PTPN21: variants seen among roughly 807,000 people sequenced by gnomAD.
The protein encoded by PTPN21 is protein tyrosine phosphatase non-receptor type 21, also known as tyrosine-protein phosphatase non-receptor type 21.
A neutral mutation model predicts 131.8 loss-of-function variants in PTPN21; 77 were observed. The ratio of observed to expected loss-of-function variants is 0.58; its 90% CI spans 0.49 to 0.71. The LOEUF is 0.71. Among genes scored for constraint, PTPN21 ranks in the 30% least tolerant of loss-of-function variants. PTPN21 has a pLI of 0.00. For synonymous variants in PTPN21, 715 were observed against 621.3 expected, an observed-to-expected ratio of 1.15 and a Z score of -2.24; for missense variants, 1,552 against 1,527.1, an observed-to-expected ratio of 1.02 and a Z score of -0.27.
At position 88,524,109 on chromosome 14, in the gene PTPN21, TAG is replaced by T. The variant is rs377114661; in HGVS notation, c.181-6850_181-6849del. ...ATCACAATCCCAATATGCTTTTTCATAGAGATAAAAAGCCAATCCTCAAATTC... is the reference window on the plus strand; with the variant it reads ...ATCACAATCCCAATATGCTTTTTCATAGATAAAAAGCCAATCCTCAAATTC... On this transcript the variant is annotated intron_variant, in intron 2 of 18. Coordinates refer to ENST00000556564, the MANE Select transcript of PTPN21 (RefSeq NM_007039.4). Among the ~76,000 whole-genome samples, 62 of 152,296 alleles carry T rather than the reference TAG, an allele frequency of 4.1e-4. 1 individual carries two copies. The South Asian group carries it at 0.012, about 31-fold the overall frequency.
chr14:88,520,786 C>A (rs2078377611), intron 2 of PTPN21, among the ~76,000 whole-genome samples: 1 of 152,162 alleles, frequency 6.6e-6, no homozygotes, highest in Non-Finnish European at 1.5e-5. Flanking sequence ...CCCTCACAAT[C>A]CTGTCATGAG....
At chr14:88,530,692 G>A (rs1042988339) in intron 2 of PTPN21, among the ~76,000 whole-genome samples, 1 of 152,076 alleles carries the variant, frequency 6.6e-6, no homozygotes, top group African/African-American at 2.4e-5. Context: ...AAGACAAAGA[G>A]GGACATTATG....
intron 13 of PTPN21, among the ~76,000 whole-genome samples, chr14:88,474,654 G>A (rs1477138674): frequency 1.3e-5 from 2 of 152,008 alleles, no homozygotes; most frequent in East Asian, 1.9e-4. Context: ...GAACGGCTAC[G>A]TTTTTAAACA....
chr14:88,470,278 A>G (rs1227795273), intron 15 of PTPN21: 5 of 541,178 alleles, frequency 9.2e-6, no homozygotes, highest in Admixed American at 3.3e-5. Context: ...AATATACATA[A>G]TATCTATGCA....
intron 10 of PTPN21, among the ~76,000 whole-genome samples, chr14:88,486,445 G>A (rs2077734304): frequency 6.6e-6 from 1 of 152,076 alleles, no homozygotes; most frequent in Non-Finnish European, 1.5e-5. Flanking sequence ...CTGTAGACCC[G>A]CCTCTTGGGA....
At chr14:88,504,336 ATCATGTAAATTAAATATT>A (rs2078056579) in intron 6 of PTPN21, 71 bp downstream of exon 6, 6 of 1,078,782 alleles carry the variant, frequency 5.6e-6, no homozygotes, top group Non-Finnish European at 8.3e-6. Flanking sequence ...ATAAATATTA[ATCATGTAAATTAAATATT>A]TAATTGAATA....
intron 3 of PTPN21, 126 bp from the exon 4 acceptor site, chr14:88,508,146 G>GTTT: frequency 2.3e-6 from 1 of 436,560 alleles, no homozygotes; most frequent in Non-Finnish European, 3.9e-6. Context: ...ACATGGTTGT[G>GTTT]TGTGTTTTTT....
At chr14:88,519,287 C>T (rs1291908802) in intron 2 of PTPN21, among the ~76,000 whole-genome samples, 1 of 152,202 alleles carries the variant, frequency 6.6e-6, no homozygotes, top group Non-Finnish European at 1.5e-5. Context: ...TGTAGTTGCA[C>T]ACTCCAGAAT....
intron 15 of PTPN21, among the ~76,000 whole-genome samples, chr14:88,470,703 G>A (rs1050191131): frequency 2.6e-5 from 4 of 152,204 alleles, no homozygotes; most frequent in Non-Finnish European, 5.9e-5. Context: ...TCTCACTCAG[G>A]GCTGCCAGCC....
chr14:88,516,124 C>T (rs904413289), intron 3 of PTPN21, among the ~76,000 whole-genome samples: 12 of 152,038 alleles, frequency 7.9e-5, no homozygotes, highest in Non-Finnish European at 1.3e-4. Flanking sequence ...GGGCTAAAAC[C>T]TAGGAAAAAG....
chr14:88,471,959 G>C (rs930660390), intron 15 of PTPN21, among the ~76,000 whole-genome samples: 1 of 151,636 alleles, frequency 6.6e-6, no homozygotes, highest in Non-Finnish European at 1.5e-5. Context: ...TGCGCCCTGA[G>C]TCCTGGTAAC....
chr14:88,473,598 A>C (rs1167821408), intron 14 of PTPN21, 67 bp downstream of exon 14: 5 of 1,520,468 alleles, frequency 3.3e-6, no homozygotes, highest in Non-Finnish European at 4.4e-6. Context: ...AATCTCATGA[A>C]GGCATTTGCG....
rs529107323 is a variant in PTPN21, at chr14:88,501,977, A to AC, written c.588-610_588-609insG. On this transcript the variant is annotated intron_variant, in intron 6 of 18. Transcript: ENST00000556564. ...GCCAGTCTGGGCAACAAAAAAACAA[A>AC]AAAAAACAAAAATAAAAACAACAAA... 1.1e-3 allele frequency among the ~76,000 whole-genome samples: 174 copies of AC among 152,184 alleles called. 4 individuals carry two copies. Among genetic ancestry groups the AC allele is most frequent in the African/African-American group, 3.9e-3 (164 of 41,526 alleles).
chr14:88,519,868 G>A (rs1195387203), intron 2 of PTPN21, among the ~76,000 whole-genome samples: 1 of 152,144 alleles, frequency 6.6e-6, no homozygotes. Flanking sequence ...TGTATTCCAA[G>A]AGCTGTAGAG....
rs1211357395 is a variant in PTPN21 at position 88,469,112 on chromosome 14, G to A, written c.3236-36C>T. On this transcript the variant is annotated intron_variant, in intron 17 of 18. Transcript: ENST00000556564. The surrounding 1 kb of genome is among the most constrained non-coding windows in gnomAD (Gnocchi z 4.3). Reference sequence around the variant, plus strand: ...TCAATGAAATAGAAAAGTACTCAAGGATCAAGGCGTATCACATTGTTGACT... The same window carrying A: ...TCAATGAAATAGAAAAGTACTCAAGAATCAAGGCGTATCACATTGTTGACT... The A allele has an allele frequency of 3.2e-6, 5 of 1,583,842 alleles. No homozygotes were observed. In the South Asian group the frequency reaches 4.6e-5, roughly 14 times the overall value.
At position 88,478,911 on chromosome 14, in the gene PTPN21, G is replaced by A; in HGVS notation, c.2511+9C>T. 4 of 1,465,020 alleles carry A rather than the reference G, an allele frequency of 2.7e-6. No individual in the cohort carries two copies. Among genetic ancestry groups the A allele is most frequent in the East Asian group, 2.5e-5 (1 of 39,964 alleles). The allele number at this position is 1,465,020 out of a possible 1,614,324, so 90.8% of individuals were successfully genotyped here. A position where few individuals can be genotyped will look rare whatever the true frequency, so the allele number is the denominator to read the frequency against. ...CCCCTGGCCCGGCACTGCTCGCCGCGTGGCTTACCCCTAGAGGCGGGAGCC... is the reference window on the plus strand; with the variant it reads ...CCCCTGGCCCGGCACTGCTCGCCGCATGGCTTACCCCTAGAGGCGGGAGCC... On this transcript the variant is annotated intron_variant, in intron 13 of 18. Coordinates refer to ENST00000556564, the MANE Select transcript of PTPN21 (RefSeq NM_007039.4).
intron 2 of PTPN21, among the ~76,000 whole-genome samples, chr14:88,520,891 G>A (rs1300112142): frequency 7.2e-5 from 11 of 152,170 alleles, no homozygotes; most frequent in South Asian, 4.2e-4. Context: ...TCACTCAGGC[G>A]GGAGTGTACT....
At chr14:88,534,160 C>T (rs571680364) in intron 2 of PTPN21, among the ~76,000 whole-genome samples, 32 of 148,582 alleles carry the variant, frequency 2.2e-4, no homozygotes, top group East Asian at 9.9e-4. Context: ...TCACTTGTGG[C>T]GAGGAGAGTT....
At chr14:88,507,489 A>T (rs1242747057) in intron 4 of PTPN21, among the ~76,000 whole-genome samples, 2 of 152,202 alleles carry the variant, frequency 1.3e-5, no homozygotes, top group African/African-American at 4.8e-5. Flanking sequence ...ACAGCATGTT[A>T]CTGTACTGAA....
Sources: gnomAD v4.1 joint callset for allele counts (sites outside exome capture counted in the v4.1 genomes callset) on GRCh38, gnomAD v4.1.1 for gene constraint, Gnocchi (gnomAD v3.1) non-coding constraint, MANE v1.5 for transcripts, NCBI Gene and HGNC (gene_info 2026-07-23, HGNC 2026-07-21) for gene names.